The following CYYR1 variants were observed in gnomAD, a reference collection of about 807,000 sequenced individuals.
CYYR1 encodes the protein cysteine and tyrosine-rich protein 1.
CYYR1 carries 14 observed loss-of-function variants against 15.2 expected under a neutral mutation model. The observed-to-expected ratio is 0.92, with a 90% CI of 0.61 to 1.44. The LOEUF is 1.44. Among genes scored for constraint, CYYR1 ranks in the 40% most tolerant of loss-of-function variants. CYYR1 has a pLI of 0.00. For synonymous variants in CYYR1, 80 were observed against 77.4 expected (o/e 1.03, Z -0.18); for missense variants, 228 against 209.5 (o/e 1.09, Z -0.54).
intron 2 of CYYR1, among the ~76,000 whole-genome samples, chr21:26,486,208 G>C (rs555337569): frequency 6.6e-6 from 1 of 152,082 alleles, no homozygotes; most frequent in Non-Finnish European, 1.5e-5. Flanking sequence ...TATTTTTACT[G>C]GTCTGTAGCA....
At chr21:26,515,242 T>C (rs1279314377) in intron 2 of CYYR1, among the ~76,000 whole-genome samples, 4 of 152,244 alleles carry the variant, frequency 2.6e-5, no homozygotes, top group African/African-American at 9.6e-5. Flanking sequence ...TTATTTTATT[T>C]TGTTCAGCCC....
intron 2 of CYYR1, chr21:26,482,627 G>A: frequency 2.4e-6 from 1 of 420,404 alleles, no homozygotes; most frequent in Non-Finnish European, 3.2e-6. Flanking sequence ...TCAAGTCTTT[G>A]AATGCCTGAA....
In CYYR1 at chr21:26,511,980, T is replaced by TCACACACACACACA. The variant is rs1464429095; in HGVS notation, c.177-31552_177-31551insTGTGTGTGTGTGTG. ...GCAGTTCAGAAATATGTCAACAATA[T>TCACACACACACACA]CACACATACACACACACACACACAC... On this transcript the variant is annotated intron_variant, in intron 2 of 3. Transcript: ENST00000652641. 3.6e-5 allele frequency among the ~76,000 whole-genome samples: 4 copies of TCACACACACACACA among 111,716 alleles called. No individual in the cohort carries two copies. The East Asian group carries it at 8.6e-4, about 24-fold the overall frequency. 73.3% of individuals were successfully genotyped at this position (111,716 alleles called of 152,430 possible). A position where few individuals can be genotyped will look rare whatever the true frequency, so the allele number is the denominator to read the frequency against.
At chr21:26,555,298 T>C (rs1979691429) in intron 2 of CYYR1, among the ~76,000 whole-genome samples, 1 of 152,186 alleles carries the variant, frequency 6.6e-6, no homozygotes, top group East Asian at 1.9e-4. Context: ...AATTCTAATA[T>C]ATTTCTATGT....
At chr21:26,563,789 A>G (rs1172573901) in intron 2 of CYYR1, among the ~76,000 whole-genome samples, 1 of 152,204 alleles carries the variant, frequency 6.6e-6, no homozygotes, top group East Asian at 1.9e-4. Flanking sequence ...AAGGACAGTC[A>G]AGTGGCCCTA....
chr21:26,557,810 T>C (rs916115967), intron 2 of CYYR1, among the ~76,000 whole-genome samples: 1 of 132,514 alleles, frequency 7.5e-6, no homozygotes, highest in Non-Finnish European at 1.7e-5. Context: ...TCACTGAGTT[T>C]GGTTCATACC....
intron 2 of CYYR1, chr21:26,564,796 T>A: frequency 1.6e-6 from 2 of 1,249,268 alleles, no homozygotes; most frequent in Non-Finnish European, 2.1e-6. Flanking sequence ...CTCCAAGTTA[T>A]ACTCGCACCT....
chr21:26,489,930 T>C (rs1489111161), intron 2 of CYYR1, among the ~76,000 whole-genome samples: 1 of 152,150 alleles, frequency 6.6e-6, no homozygotes, highest in Non-Finnish European at 1.5e-5. Flanking sequence ...CTTAGATGTT[T>C]GATTTATCCC....
At chr21:26,570,611 T>C (rs886225162) in intron 1 of CYYR1, among the ~76,000 whole-genome samples, 1 of 152,230 alleles carries the variant, frequency 6.6e-6, no homozygotes, top group Non-Finnish European at 1.5e-5. Context: ...CTCTTATTTG[T>C]TTAGCCAAAT....
chr21:26,486,623 T>A (rs1057190522), intron 2 of CYYR1, among the ~76,000 whole-genome samples: 3 of 152,080 alleles, frequency 2.0e-5, no homozygotes, highest in Non-Finnish European at 4.4e-5. Flanking sequence ...TAGCTAATTT[T>A]TTTTTCTTTT....
chr21:26,526,734 T>C (rs1349760075), intron 2 of CYYR1, among the ~76,000 whole-genome samples: 1 of 152,166 alleles, frequency 6.6e-6, no homozygotes, highest in East Asian at 1.9e-4. Flanking sequence ...CAATCTTAGG[T>C]CAACCAGGTA....
In CYYR1 at chr21:26,534,044, G is replaced by A. The variant is rs554384766; in HGVS notation, c.176+32222C>T. The stretch of plus-strand genomic sequence containing the variant: ...CACTCACCATTATTTCTGGTACTAT[G>A]TTAGCAGTTCATTCAAATCAGTTTC... On this transcript the variant is annotated intron_variant, in intron 2 of 3. Coordinates refer to ENST00000652641, the MANE Select transcript of CYYR1 (RefSeq NM_001320768.2). Among the ~76,000 whole-genome samples, 39 of 152,218 alleles carry A rather than the reference G, an allele frequency of 2.6e-4. No individual in the cohort carries two copies. In the South Asian group the frequency reaches 6.8e-3, roughly 27 times the overall value.
At chr21:26,495,217 G>A (rs150753) in intron 2 of CYYR1, among the ~76,000 whole-genome samples, 120,462 of 152,130 alleles carry the variant, frequency 0.79, 48,785 homozygotes, top group Non-Finnish European at 0.88. Flanking sequence ...TTCTGATCAC[G>A]TTAATGCAGA....
At chr21:26,520,137 T>TATATATATATATATATATATAC (rs1320265726) in intron 2 of CYYR1, among the ~76,000 whole-genome samples, 12 of 129,740 alleles carry the variant, frequency 9.2e-5, no homozygotes, top group African/African-American at 3.2e-4. Context: ...TATATATATA[T>TATATATATATATATATATATAC]ATATGCAGAA....
At chr21:26,556,061 T>C (rs924743409) in intron 2 of CYYR1, among the ~76,000 whole-genome samples, 7 of 152,170 alleles carry the variant, frequency 4.6e-5, no homozygotes, top group African/African-American at 1.7e-4. Flanking sequence ...CTAGTCTCTA[T>C]CATCTGATTA....
At chr21:26,497,189 A>C (rs1300455954) in intron 2 of CYYR1, among the ~76,000 whole-genome samples, 2 of 152,098 alleles carry the variant, frequency 1.3e-5, no homozygotes, top group Admixed American at 1.3e-4. Flanking sequence ...ATTTAATTCG[A>C]TAAGGGGCCC....
chr21:26,500,511 G>C (rs1190793757), intron 2 of CYYR1, among the ~76,000 whole-genome samples: 1 of 152,182 alleles, frequency 6.6e-6, no homozygotes, highest in Non-Finnish European at 1.5e-5. Context: ...ATGCCAGCAA[G>C]GCTTCCAGGC....
chr21:26,541,805 G>A (rs1978565810), intron 2 of CYYR1, among the ~76,000 whole-genome samples: 1 of 152,184 alleles, frequency 6.6e-6, no homozygotes, highest in South Asian at 2.1e-4. Flanking sequence ...CATTTTATGA[G>A]AAGGGGTGCT....
chr21:26,538,624 G>C (rs1237113279), intron 2 of CYYR1, among the ~76,000 whole-genome samples: 2 of 151,882 alleles, frequency 1.3e-5, no homozygotes, highest in African/African-American at 4.8e-5. Flanking sequence ...TCAAATATCA[G>C]GTCTTTAGCT....
Sources: gnomAD v4.1 joint callset for allele counts (sites outside exome capture counted in the v4.1 genomes callset) on GRCh38, gnomAD v4.1.1 for gene constraint, MANE v1.5 for transcripts, NCBI Gene and HGNC (gene_info 2026-07-23, HGNC 2026-07-21) for gene names.